The following HES6 variants were observed in gnomAD, a reference collection of about 807,000 sequenced individuals.
The protein encoded by HES6 is hes family bHLH transcription factor 6.
Under a neutral mutation model 16.4 loss-of-function variants are expected in HES6, and 24 were observed. The observed-to-expected ratio is 1.46, with a 90% CI of 1.06 to 2.06. HES6 has a LOEUF of 2.06. Ranked by LOEUF, HES6 falls within the 30% of genes most tolerant of loss-of-function variation. HES6 has a pLI of 0.00. For synonymous variants in HES6, 159 were observed against 144.3 expected, an observed-to-expected ratio of 1.10 and a Z score of -0.73; for missense variants, 355 against 317.6, an observed-to-expected ratio of 1.12 and a Z score of -0.90.
In HES6 at chr2:238,239,721, C is replaced by G; in HGVS notation, c.108G>C (p.Lys36Asn). ...GGCTCTCGTTGATCCGCGCGCGCCG[C>G]TTCTTCTCCACCAGGGGCTTCCGGG... The part of the protein sequence containing the change: ...RKARKPLVEK[K>N]RRARINESLQ... The change falls in exon 2 of 4, where the codon AAG becomes AAC. Residue 36 changes from lysine (K) to asparagine (N), a missense_variant. Physicochemically the swap from Lys to Asn is moderately conservative, Grantham distance 94. Transcript: ENST00000272937. The G allele has an allele frequency of 7.4e-7, 1 of 1,355,142 alleles. No individual in the cohort carries two copies. The highest frequency in any genetic ancestry group is 9.5e-7 in the Non-Finnish European group (1 of 1,047,470). 83.9% of individuals were successfully genotyped at this position (1,355,142 alleles called of 1,614,324 possible).
Position 238,238,744 on chromosome 2 carries a change from C to T in HES6, c.*83G>A. 4 of 1,362,730 alleles carry T rather than the reference C, an allele frequency of 2.9e-6. No individual in the cohort carries two copies. The highest frequency in any genetic ancestry group is 4.0e-6 in the Non-Finnish European group (4 of 1,002,352). 84.4% of individuals were successfully genotyped at this position (1,362,730 alleles called of 1,614,324 possible). A position where few individuals can be genotyped will look rare whatever the true frequency, so the allele number is the denominator to read the frequency against. On this transcript the variant is annotated 3_prime_UTR_variant, in exon 4 of 4. Transcript: ENST00000272937. ...ACCTGGGAGACTTCCAGGGCCCTAC[C>T]CCACCACATCTGAACCCCTGGGAGG...
In HES6 at chr2:238,239,030, G is replaced by A. The variant is rs369575881; in HGVS notation, c.472C>T (p.Arg158Trp). The change falls in exon 4 of 4, where the codon CGG becomes TGG. Residue 158 changes from arginine to tryptophan, a missense_variant. Arg to Trp is a moderately radical substitution (Grantham distance 101). Transcript: ENST00000272937. ...GCGCCCCCCGCAGGCCAGCCACTCC[G>A]TCCAGGGGCTCTAGGTGGCCCCGCC... ...ALAGPPRAPG[R>W]SGWPAGGAPG... The A allele has an allele frequency of 3.7e-6, 6 of 1,610,908 alleles. No individual in the cohort carries two copies. The highest frequency in any genetic ancestry group is 2.7e-5 in the African/African-American group (2 of 74,904).
At position 238,239,849 on chromosome 2, in the gene HES6, G is replaced by A; in HGVS notation, c.57C>T (p.Gly19=). The A allele has an allele frequency of 4.3e-6, 6 of 1,384,292 alleles. No homozygotes were observed. Among genetic ancestry groups the A allele is most frequent in the Non-Finnish European group, 5.7e-6 (6 of 1,059,886 alleles). 85.8% of individuals were successfully genotyped at this position (1,384,292 alleles called of 1,614,324 possible). ...CCTTGCGGTCCCCTCGCGTCTCCCA[G>A]CCGTCCTCATCCTCACGGCCCACAC... is the stretch of plus-strand genomic sequence containing the variant. ...RDRVGREDED[G]WETRGDRKAR... The change falls in exon 1 of 4, where the codon GGC becomes GGT. Residue 19 remains glycine, a synonymous_variant. Transcript: ENST00000272937.
At position 238,239,111 on chromosome 2, in the gene HES6, C is replaced by G. The variant is rs952492307; in HGVS notation, c.391G>C (p.Glu131Gln). ...CTGCCCTCACGCAGCGGCATGGACT[C>G]GAGCAGATGGTTCAGGAGCTCGGCA... ...VAAELLNHLLESMPLREGSSF... is the reference protein window; with the variant it reads ...VAAELLNHLLQSMPLREGSSF... The change falls in exon 4 of 4, where the codon GAG becomes CAG. Residue 131 changes from glutamate to glutamine, a missense_variant. Glu to Gln is a conservative substitution (Grantham distance 29). Transcript: ENST00000272937. The G allele has an allele frequency of 3.1e-6, 5 of 1,612,628 alleles. No homozygotes were observed. Among genetic ancestry groups the G allele is most frequent in the Non-Finnish European group, 4.2e-6 (5 of 1,179,922 alleles).
intron 3 of HES6, 103 bp downstream of exon 3, chr2:238,239,384 C>T (rs1695248738): frequency 7.7e-7 from 1 of 1,294,168 alleles, no homozygotes; most frequent in South Asian, 1.6e-5. Flanking sequence ...CGGTGGGAGC[C>T]CTCGCCGCCG....
In HES6 at chr2:238,239,478, G is replaced by A; in HGVS notation, c.250+9C>T. ...GGCCGGCGCCCCCGCCCGCCCCGCC[G>A]CCACTCACCGCGCGCCCGGCCCCGC... On this transcript the variant is annotated intron_variant, in intron 3 of 3. Transcript: ENST00000272937. 1 of 1,247,216 alleles carries A rather than the reference G, an allele frequency of 8.0e-7. No individual in the cohort carries two copies. The highest frequency in any genetic ancestry group is 1.0e-6 in the Non-Finnish European group (1 of 990,440). 77.3% of individuals were successfully genotyped at this position (1,247,216 alleles called of 1,614,324 possible). A position where few individuals can be genotyped will look rare whatever the true frequency, so the allele number is the denominator to read the frequency against.
rs1391524370 is a variant in HES6, at chr2:238,238,805, G to A, written c.*22C>T. ...TCCAGGGAGGGCCGGGCCCACCCCC[G>A]CAGGACTCTGGCTGGCATTGGTCAC... On this transcript the variant is annotated 3_prime_UTR_variant, in exon 4 of 4. Transcript: ENST00000272937. 3.9e-6 allele frequency: 6 copies of A among 1,541,832 alleles called. No homozygotes were observed. The highest frequency in any genetic ancestry group is 1.9e-4 in the Middle Eastern group (1 of 5,198).
rs760732081 is a variant in HES6, at chr2:238,239,898, G to A, written c.8C>T (p.Pro3Leu). The change falls in exon 1 of 4, where the codon CCA becomes CTA. Residue 3 changes from proline (P) to leucine (L), a missense_variant. Transcript: ENST00000272937. MAPPAAPGRDRVG... is the reference protein window; with the variant it reads MALPAAPGRDRVG... The stretch of plus-strand genomic sequence containing the variant: ...ACGGTCCCGGCCAGGCGCCGCGGGT[G>A]GCGCCATGCCCGCTCCGCCGGGGAC... 14 of 1,227,702 alleles carry A rather than the reference G, an allele frequency of 1.1e-5. No individual in the cohort carries two copies. Among genetic ancestry groups the A allele is most frequent in the Non-Finnish European group, 1.1e-5 (11 of 982,558 alleles). 76.1% of individuals were successfully genotyped at this position (1,227,702 alleles called of 1,614,324 possible). A position where few individuals can be genotyped will look rare whatever the true frequency, so the allele number is the denominator to read the frequency against.
Position 238,238,718 on chromosome 2 carries a change from G to T in HES6, c.*109C>A. 9.2e-7 allele frequency: 1 copy of T among 1,092,664 alleles called. No homozygotes were observed. Among genetic ancestry groups the T allele is most frequent in the Non-Finnish European group, 1.3e-6 (1 of 766,818 alleles). 67.7% of individuals were successfully genotyped at this position (1,092,664 alleles called of 1,614,324 possible). ...GCCATCCATCAGAGGAGGGAGGGAA[G>T]ACCTGGGAGACTTCCAGGGCCCTAC... On this transcript the variant is annotated 3_prime_UTR_variant, in exon 4 of 4. Transcript: ENST00000272937.
rs1390654429 is a variant in HES6 at position 238,239,045 on chromosome 2, G to T, written c.457C>A (p.Pro153Thr). 1.9e-6 allele frequency: 3 copies of T among 1,611,798 alleles called. No individual in the cohort carries two copies. Among genetic ancestry groups the T allele is most frequent in the Admixed American group, 1.7e-5 (1 of 59,996 alleles). The part of the protein sequence containing the change: ...DLLGDALAGP[P>T]RAPGRSGWPA... ...CAGCCACTCCGTCCAGGGGCTCTAGGTGGCCCCGCCAGGGCGTCCCCCAGC... is the reference window on the plus strand; with the variant it reads ...CAGCCACTCCGTCCAGGGGCTCTAGTTGGCCCCGCCAGGGCGTCCCCCAGC... Residue 153 changes from proline to threonine, a missense_variant, in exon 4 of 4, where the codon CCT becomes ACT. Coordinates refer to ENST00000272937, the MANE Select transcript of HES6 (RefSeq NM_018645.6).
In HES6 at chr2:238,238,765, G is replaced by C. The variant is rs533373493; in HGVS notation, c.*62C>G. 2.8e-5 allele frequency: 41 copies of C among 1,471,078 alleles called. No homozygotes were observed. In the African/African-American group the frequency reaches 3.5e-4, roughly 13 times the overall value. 91.1% of individuals were successfully genotyped at this position (1,471,078 alleles called of 1,614,324 possible). A position where few individuals can be genotyped will look rare whatever the true frequency, so the allele number is the denominator to read the frequency against. On this transcript the variant is annotated 3_prime_UTR_variant, in exon 4 of 4. Transcript: ENST00000272937. ...CTACCCCACCACATCTGAACCCCTG[G>C]GAGGAGGGAGGAGATCCAGGGAGGG...
rs1215047092 is a variant in HES6, at chr2:238,239,936, AGGAGCAGCGGGGACGG to A, written c.-47_-32del. On this transcript the variant is annotated 5_prime_UTR_variant, in exon 1 of 4. Transcript: ENST00000272937. ...CTCCGCCGGGGACGCGGCAGGGGCT[AGGAGCAGCGGGGACGG>A]GGAGCGGCGGGGACCGGAGTGCCGG... 5.1e-5 allele frequency: 61 copies of A among 1,186,766 alleles called. No individual in the cohort carries two copies. Among genetic ancestry groups the A allele is most frequent in the Middle Eastern group, 3.3e-4 (1 of 3,016 alleles). The allele number at this position is 1,186,766 out of a possible 1,614,324, so 73.5% of individuals were successfully genotyped here.
Position 238,239,944 on chromosome 2 carries a change from C to CGGGGACGGGG in HES6, c.-49_-40dup. 1 of 1,169,626 alleles carries CGGGGACGGGG rather than the reference C, an allele frequency of 8.5e-7. No homozygotes were observed. The highest frequency in any genetic ancestry group is 1.1e-6 in the Non-Finnish European group (1 of 942,518). The allele number at this position is 1,169,626 out of a possible 1,614,324, so 72.5% of individuals were successfully genotyped here. On this transcript the variant is annotated 5_prime_UTR_variant, in exon 1 of 4. Transcript: ENST00000272937. ...GGGACGCGGCAGGGGCTAGGAGCAG[C>CGGGGACGGGG]GGGGACGGGGAGCGGCGGGGACCGG...
rs1270924358 is a variant in HES6 at position 238,239,611 on chromosome 2, G to A, written c.169-43C>T. On this transcript the variant is annotated intron_variant, in intron 2 of 3. Coordinates refer to ENST00000272937, the MANE Select transcript of HES6 (RefSeq NM_018645.6). ...GCGGTGAGCCGGCAGCGCGCTCCCG[G>A]ACCCGCCCGCCCGCCCCGCAGCCCC... 2.6e-6 allele frequency: 3 copies of A among 1,135,694 alleles called. No homozygotes were observed. The East Asian group carries it at 1.4e-4, about 52-fold the overall frequency. The allele number at this position is 1,135,694 out of a possible 1,614,324, so 70.4% of individuals were successfully genotyped here.
In HES6 at chr2:238,239,490, G is replaced by T; in HGVS notation, c.247C>A (p.Arg83Ser). Reference protein sequence around the residue: ...RVQGVLRGRAREREQLQAEAS... With the variant: ...RVQGVLRGRASEREQLQAEAS... ...CGCCCGCCCCGCCGCCACTCACCGCGCGCCCGGCCCCGCAGCACACCCTGG... is the reference window on the plus strand; with the variant it reads ...CGCCCGCCCCGCCGCCACTCACCGCTCGCCCGGCCCCGCAGCACACCCTGG... The change falls in exon 3 of 4, where the codon CGC becomes AGC. Residue 83 changes from arginine (R) to serine (S), a missense_variant. Physicochemically the swap from Arg to Ser is moderately radical, Grantham distance 110. Transcript: ENST00000272937. 1 of 1,279,870 alleles carries T rather than the reference G, an allele frequency of 7.8e-7. No individual in the cohort carries two copies. Among genetic ancestry groups the T allele is most frequent in the Non-Finnish European group, 9.8e-7 (1 of 1,019,196 alleles). The allele number at this position is 1,279,870 out of a possible 1,614,324, so 79.3% of individuals were successfully genotyped here.
chr2:238,239,948 G>T lies in HES6; in HGVS notation c.-43C>A. 8.6e-7 allele frequency: 1 copy of T among 1,161,480 alleles called. No homozygotes were observed. 71.9% of individuals were successfully genotyped at this position (1,161,480 alleles called of 1,614,324 possible). ...CGCGGCAGGGGCTAGGAGCAGCGGGGACGGGGAGCGGCGGGGACCGGAGTG... is the reference window on the plus strand; with the variant it reads ...CGCGGCAGGGGCTAGGAGCAGCGGGTACGGGGAGCGGCGGGGACCGGAGTG... On this transcript the variant is annotated 5_prime_UTR_variant, in exon 1 of 4. Coordinates refer to ENST00000272937, the MANE Select transcript of HES6 (RefSeq NM_018645.6).
In HES6 at chr2:238,239,709, C is replaced by T. The variant is rs778782071; in HGVS notation, c.120G>A (p.Arg40=). Residue 40 remains arginine, a synonymous_variant, in exon 2 of 4, where the codon CGG becomes CGA. Transcript: ENST00000272937. ...KPLVEKKRRA[R]INESLQELRL... is the part of the protein sequence containing the mutation. ...GCAGCTCCTGCAGGCTCTCGTTGATCCGCGCGCGCCGCTTCTTCTCCACCA... is the reference window on the plus strand; with the variant it reads ...GCAGCTCCTGCAGGCTCTCGTTGATTCGCGCGCGCCGCTTCTTCTCCACCA... The T allele has an allele frequency of 6.7e-5, 88 of 1,316,082 alleles. No homozygotes were observed. Among genetic ancestry groups the T allele is most frequent in the Non-Finnish European group, 8.5e-5 (87 of 1,024,116 alleles). 81.5% of individuals were successfully genotyped at this position (1,316,082 alleles called of 1,614,324 possible). A position where few individuals can be genotyped will look rare whatever the true frequency, so the allele number is the denominator to read the frequency against.
Position 238,239,007 on chromosome 2 carries a change from GC to G in HES6, c.494del (p.Gly165AlafsTer29). 1 of 1,604,224 alleles carries G rather than the reference GC, an allele frequency of 6.2e-7. No homozygotes were observed. The highest frequency in any genetic ancestry group is 1.1e-5 in the South Asian group (1 of 90,398). On this transcript the variant is annotated frameshift_variant, in exon 4 of 4. Transcript: ENST00000272937. LOFTEE classifies it low-confidence loss of function (END_TRUNC). The stretch of plus-strand genomic sequence containing the variant: ...GGCTGGGTATTGGGGATCCCGGAGC[GC>G]CCCCCGCAGGCCAGCCACTCCGTCC... ...APGRSGWPAG[G>X]APGSPIPSPP... is the part of the protein sequence containing the mutation.
Position 238,239,985 on chromosome 2 carries a change from C to G in HES6, c.-80G>C. The G allele has an allele frequency of 3.3e-6, 3 of 907,060 alleles. No homozygotes were observed. The highest frequency in any genetic ancestry group is 4.2e-6 in the Non-Finnish European group (3 of 711,962). 56.2% of individuals were successfully genotyped at this position (907,060 alleles called of 1,614,324 possible). On this transcript the variant is annotated 5_prime_UTR_variant, in exon 1 of 4. Coordinates refer to ENST00000272937, the MANE Select transcript of HES6 (RefSeq NM_018645.6). ...CGGGGACCGGAGTGCCGGCGCCCTC[C>G]GCTGCCCCGCGGCCGCCCAGCAGCA...
Sources: gnomAD v4.1 joint callset for allele counts on GRCh38, gnomAD v4.1.1 for gene constraint, MANE v1.5 for transcripts, NCBI Gene and HGNC (gene_info 2026-07-23, HGNC 2026-07-21) for gene names.